Variants in ST6GALNAC5 observed in about 807,000 individuals in gnomAD.
ST6GALNAC5 encodes ST6 N-acetylgalactosaminide alpha-2,6-sialyltransferase 5.
In ST6GALNAC5, 27 loss-of-function variants were observed where a neutral mutation model predicts 33.6. The observed-to-expected ratio is 0.80, with a 90% CI of 0.59 to 1.11. The LOEUF is 1.11. Among genes scored for constraint, ST6GALNAC5 ranks in the 50% least tolerant of loss-of-function variants. The pLI is 0.00. For synonymous variants in ST6GALNAC5, 194 were observed against 171.2 expected, an observed-to-expected ratio of 1.13 and a Z score of -1.04; for missense variants, 428 against 454.0, an observed-to-expected ratio of 0.94 and a Z score of 0.52.
chr1:76,888,627 C>G (rs1374028842), intron 2 of ST6GALNAC5, among the ~76,000 whole-genome samples: 7 of 151,284 alleles, frequency 4.6e-5, no homozygotes, highest in African/African-American at 1.7e-4. Flanking sequence ...TTTTTTAAAA[C>G]TCTCCTTTTC....
At chr1:76,909,819 G>T (rs1006349970) in intron 2 of ST6GALNAC5, among the ~76,000 whole-genome samples, 1 of 152,178 alleles carries the variant, frequency 6.6e-6, no homozygotes, top group Non-Finnish European at 1.5e-5. Flanking sequence ...GATATATACA[G>T]TTGGAGAAAA....
At chr1:76,895,457 T>G (rs1287304119) in intron 2 of ST6GALNAC5, among the ~76,000 whole-genome samples, 8 of 150,374 alleles carry the variant, frequency 5.3e-5, no homozygotes, top group South Asian at 4.3e-4. Flanking sequence ...TGTGTAGAAT[T>G]ATTGGTGATG....
intron 2 of ST6GALNAC5, among the ~76,000 whole-genome samples, chr1:76,969,158 C>T (rs1648627886): frequency 6.6e-6 from 1 of 152,182 alleles, no homozygotes. Flanking sequence ...GTTCATCACA[C>T]TGGGACTGTT....
In ST6GALNAC5 at chr1:76,984,201, CA is replaced by C. The variant is rs1299548540; in HGVS notation, c.262-59997del. Among the ~76,000 whole-genome samples the C allele has an allele frequency of 3.9e-5, 6 of 152,134 alleles. No individual in the cohort carries two copies. The East Asian group carries it at 9.7e-4, about 25-fold the overall frequency. The stretch of plus-strand genomic sequence containing the variant: ...AGAGATAGAGACACAAAAAACCCTT[CA>C]AAAAATTAATGAATTCAGGAGCTGG... On this transcript the variant is annotated intron_variant, in intron 2 of 4. Coordinates refer to ENST00000477717, the MANE Select transcript of ST6GALNAC5 (RefSeq NM_030965.3).
chr1:76,920,318 A>G (rs1233515816), intron 2 of ST6GALNAC5, among the ~76,000 whole-genome samples: 2 of 152,202 alleles, frequency 1.3e-5, no homozygotes, highest in Non-Finnish European at 2.9e-5. Context: ...CTTTCCATGA[A>G]TCAGTCTCGT....
chr1:76,908,126 C>G (rs534237901), intron 2 of ST6GALNAC5, among the ~76,000 whole-genome samples: 1 of 152,098 alleles, frequency 6.6e-6, no homozygotes, highest in Non-Finnish European at 1.5e-5. Flanking sequence ...AAATTTCTCT[C>G]AGGTTCTTAT....
intron 2 of ST6GALNAC5, among the ~76,000 whole-genome samples, chr1:76,922,608 A>T (rs1030670504): frequency 2.0e-5 from 3 of 152,202 alleles, no homozygotes; most frequent in Non-Finnish European, 4.4e-5. Flanking sequence ...TTATCAAGAT[A>T]GTGTGGTATT....
At chr1:77,053,250 A>G (rs1033190433) in intron 4 of ST6GALNAC5, among the ~76,000 whole-genome samples, 8 of 152,302 alleles carry the variant, frequency 5.3e-5, no homozygotes, top group African/African-American at 1.7e-4. Flanking sequence ...CATGAGCTCT[A>G]TGGCTTAAGG....
chr1:76,975,333 A>ATATTACTTT (rs1459594183), intron 2 of ST6GALNAC5, among the ~76,000 whole-genome samples: 1 of 152,176 alleles, frequency 6.6e-6, no homozygotes, highest in Non-Finnish European at 1.5e-5. Flanking sequence ...GGAGATTATT[A>ATATTACTTT]TATTACTTTC....
At chr1:76,914,129 C>T (rs556283891) in intron 2 of ST6GALNAC5, among the ~76,000 whole-genome samples, 1 of 152,268 alleles carries the variant, frequency 6.6e-6, no homozygotes, top group Admixed American at 6.5e-5. Flanking sequence ...ATCCAACTTA[C>T]AAGGGACATG....
At chr1:77,011,304 CA>C (rs1650626853) in intron 2 of ST6GALNAC5, among the ~76,000 whole-genome samples, 1 of 152,156 alleles carries the variant, frequency 6.6e-6, no homozygotes, top group African/African-American at 2.4e-5. Flanking sequence ...ACAAAGTCAC[CA>C]ACACATTCAA....
chr1:77,051,482 A>G (rs1256177802), intron 4 of ST6GALNAC5, among the ~76,000 whole-genome samples: 1 of 152,188 alleles, frequency 6.6e-6, no homozygotes, highest in African/African-American at 2.4e-5. Context: ...ACCTAGTATG[A>G]CCTTGAAGAA....
chr1:77,021,334 T>G (rs896002150), intron 2 of ST6GALNAC5, among the ~76,000 whole-genome samples: 2 of 152,218 alleles, frequency 1.3e-5, no homozygotes, highest in African/African-American at 4.8e-5. Context: ...ATGTTGCTTT[T>G]ATTGTTTCCA....
intron 2 of ST6GALNAC5, among the ~76,000 whole-genome samples, chr1:77,008,691 G>A (rs1311556431): frequency 4.6e-5 from 7 of 152,072 alleles, no homozygotes; most frequent in Non-Finnish European, 5.9e-5. Flanking sequence ...CACCACACCC[G>A]GTTAATTTTT....
chr1:77,057,859 T>A (rs1652451333), intron 4 of ST6GALNAC5, among the ~76,000 whole-genome samples: 1 of 152,146 alleles, frequency 6.6e-6, no homozygotes, highest in African/African-American at 2.4e-5. Context: ...TTATGAGGTT[T>A]TTTTCAGTTG....
chr1:77,023,680 T>A (rs1370422837), intron 2 of ST6GALNAC5, among the ~76,000 whole-genome samples: 1 of 152,096 alleles, frequency 6.6e-6, no homozygotes, highest in African/African-American at 2.4e-5. Context: ...AGTGGGCAGT[T>A]TTTTCTCTAT....
chr1:77,005,345 G>A (rs541828503), intron 2 of ST6GALNAC5, among the ~76,000 whole-genome samples: 5 of 152,240 alleles, frequency 3.3e-5, no homozygotes, highest in Admixed American at 6.5e-5. Context: ...GCCCTGCTTC[G>A]GCTCGCGCAC....
At chr1:76,876,028 T>C (rs1445908274) in intron 2 of ST6GALNAC5, among the ~76,000 whole-genome samples, 2 of 152,178 alleles carry the variant, frequency 1.3e-5, no homozygotes, top group Non-Finnish European at 2.9e-5. Flanking sequence ...TGGAATATCA[T>C]AATGGTGGAT....
At chr1:76,945,432 C>A (rs1448475387) in intron 2 of ST6GALNAC5, among the ~76,000 whole-genome samples, 1 of 151,994 alleles carries the variant, frequency 6.6e-6, no homozygotes, top group East Asian at 1.9e-4. Context: ...CAGGAATGAA[C>A]GATGAACCAA....
Sources: gnomAD v4.1 joint callset for allele counts (sites outside exome capture counted in the v4.1 genomes callset) on GRCh38, gnomAD v4.1.1 for gene constraint, MANE v1.5 for transcripts, NCBI Gene and HGNC (gene_info 2026-07-23, HGNC 2026-07-21) for gene names.